Variants in CCDC32 observed in about 807,000 individuals in gnomAD.
CCDC32 encodes coiled-coil domain-containing protein 32.
A neutral mutation model predicts 20.1 loss-of-function variants in CCDC32; 9 were observed. That is an observed-to-expected ratio of 0.45 (90% CI 0.27 to 0.78). CCDC32 has a LOEUF of 0.78. Ranked by LOEUF, CCDC32 falls within the 30% of genes least tolerant of loss-of-function variation. The probability of loss-of-function intolerance (pLI) is 0.16; values close to 1 mark genes in which losing one functional copy is unlikely to be tolerated. For synonymous variants in CCDC32, 63 were observed against 79.0 expected (o/e 0.80, Z 1.07); for missense variants, 204 against 215.5 (o/e 0.95, Z 0.33).
downstream of CCDC32, among the ~76,000 whole-genome samples, chr15:40,529,975 G>A (rs1350677775): frequency 6.6e-6 from 1 of 150,994 alleles, no homozygotes; most frequent in Non-Finnish European, 1.5e-5. Flanking sequence ...GGGATGCTTT[G>A]TCCCTTCCAA....
chr15:40,564,551 G>A (rs950822096), intron 1 of CCDC32, among the ~76,000 whole-genome samples: 4 of 152,138 alleles, frequency 2.6e-5, no homozygotes, highest in African/African-American at 7.2e-5. Flanking sequence ...TATGAGACAG[G>A]CTGACACCTT....
At position 40,554,145 on chromosome 15, in the gene CCDC32, A is replaced by T. The variant is rs1475823764; in HGVS notation, c.402-18T>A. 1 of 1,604,464 alleles carries T rather than the reference A, an allele frequency of 6.2e-7. No individual in the cohort carries two copies. Among genetic ancestry groups the T allele is most frequent in the Non-Finnish European group, 8.5e-7 (1 of 1,172,716 alleles). On this transcript the variant is annotated intron_variant, in intron 3 of 3. Transcript: ENST00000416810. ...CCAAGGTGCTATGAAAGGGCAGAAT[A>T]AAAGGGTGGCTGTGTCAGACCTCAC...
intron 1 of CCDC32, 122 bp downstream of exon 1, chr15:40,564,854 C>T: frequency 6.3e-7 from 1 of 1,593,730 alleles, no homozygotes; most frequent in Non-Finnish European, 8.6e-7. Flanking sequence ...GCCTCAGTCG[C>T]TCAGGTCTCT....
chr15:40,559,098 CTCTT>C (rs1332578501), intron 2 of CCDC32, among the ~76,000 whole-genome samples: 1 of 148,132 alleles, frequency 6.8e-6, no homozygotes, highest in Non-Finnish European at 1.5e-5. Context: ...CTTCCTCTCT[CTCTT>C]TCTCAACAAG....
intron 3 of CCDC32, among the ~76,000 whole-genome samples, chr15:40,548,060 C>T (rs544374365): frequency 4.6e-5 from 7 of 152,194 alleles, no homozygotes; most frequent in Non-Finnish European, 1.0e-4. Flanking sequence ...TGATGGGTCA[C>T]TATCTCTCCT....
In CCDC32 at chr15:40,562,909, T is replaced by C; in HGVS notation, c.107A>G (p.Asn36Ser). The part of the protein sequence containing the change: ...LPNPEQEDGA[N>S]NAFSDSFVDS... The stretch of plus-strand genomic sequence containing the variant: ...CACAAAGGAGTCTGAGAATGCATTG[T>C]TGGCACCATCTTCTTGTTCAGGATT... The change falls in exon 2 of 4, where the codon AAC becomes AGC. Residue 36 changes from asparagine (N) to serine (S), a missense_variant. Asn to Ser is a conservative substitution (Grantham distance 46). Transcript: ENST00000416810. 7 of 1,614,234 alleles carry C rather than the reference T, an allele frequency of 4.3e-6. No individual in the cohort carries two copies. The highest frequency in any genetic ancestry group is 5.9e-6 in the Non-Finnish European group (7 of 1,180,046).
In CCDC32 at chr15:40,553,325, A is replaced by G. The variant is rs1054169314; in HGVS notation, c.*646T>C. 4.1e-6 allele frequency: 4 copies of G among 985,300 alleles called. No individual in the cohort carries two copies. Among genetic ancestry groups the G allele is most frequent in the East Asian group, 1.1e-4 (1 of 8,820 alleles). The allele number at this position is 985,300 out of a possible 1,614,324, so 61.0% of individuals were successfully genotyped here. The stretch of plus-strand genomic sequence containing the variant: ...AAGCCATGCATGAAGTAAAAAATAC[A>G]TATACACAGACATAAACACCCACAT... On this transcript the variant is annotated 3_prime_UTR_variant, in exon 4 of 4. Transcript: ENST00000416810.
intron 3 of CCDC32, among the ~76,000 whole-genome samples, chr15:40,545,670 T>A (rs916308610): frequency 6.6e-6 from 1 of 151,954 alleles, no homozygotes; most frequent in Non-Finnish European, 1.5e-5. Flanking sequence ...TGGTGTGGGG[T>A]ACCAGCAGAG....
downstream of CCDC32, among the ~76,000 whole-genome samples, chr15:40,551,444 C>T (rs1465806034): frequency 6.6e-6 from 1 of 152,010 alleles, no homozygotes; most frequent in African/African-American, 2.4e-5. Flanking sequence ...GGCCTGGCAT[C>T]TGAACTCCAG....
chr15:40,529,610 A>G (rs901581148), intron 3 of CCDC32: 3 of 151,750 alleles, frequency 2.0e-5, no homozygotes, highest in African/African-American at 7.3e-5. Context: ...ATTGGAACAT[A>G]CAGAGATTAG....
chr15:40,524,173 T>C (rs1350316146), downstream of CCDC32, among the ~76,000 whole-genome samples: 1 of 138,126 alleles, frequency 7.2e-6, no homozygotes, highest in Admixed American at 7.1e-5. Flanking sequence ...TTTTTTTTTT[T>C]TGAGACGGGA....
At chr15:40,538,109 A>G (rs904176954), downstream of CCDC32, 2 of 152,252 alleles carry the variant, frequency 1.3e-5, no homozygotes, top group Non-Finnish European at 2.9e-5. Context: ...AGTGGCCCAG[A>G]GGCAGTTCTC....
downstream of CCDC32, among the ~76,000 whole-genome samples, chr15:40,524,298 A>G (rs1278340527): frequency 1.3e-5 from 2 of 151,734 alleles, no homozygotes; most frequent in Admixed American, 6.6e-5. Flanking sequence ...CTGGGACTAT[A>G]GGCACCCGCC....
At chr15:40,529,004 T>C (rs1220366275) in intron 3 of CCDC32, among the ~76,000 whole-genome samples, 1 of 152,146 alleles carries the variant, frequency 6.6e-6, no homozygotes, top group Non-Finnish European at 1.5e-5. Context: ...GCTAAGTGCC[T>C]TTGTCTGGAG....
At chr15:40,554,416 C>T (rs11637245) in intron 3 of CCDC32, among the ~76,000 whole-genome samples, 53,639 of 151,860 alleles carry the variant, frequency 0.35, 10,384 homozygotes, top group Non-Finnish European at 0.45. Flanking sequence ...GAAGAGTTTA[C>T]GCCTCAGTCC....
chr15:40,532,062 A>G (rs1464554591), downstream of CCDC32: 6 of 445,726 alleles, frequency 1.3e-5, no homozygotes, highest in Non-Finnish European at 2.4e-5. Context: ...GAAGATGCCA[A>G]CCGTACTTAG....
At chr15:40,552,209 C>T (rs370315791), downstream of CCDC32, among the ~76,000 whole-genome samples, 28 of 151,726 alleles carry the variant, frequency 1.8e-4, no homozygotes, top group South Asian at 5.4e-3. Flanking sequence ...CGGCCAGGCG[C>T]GGTGGCTCAT....
chr15:40,544,082 T>C (rs1889513489), intron 3 of CCDC32, among the ~76,000 whole-genome samples: 1 of 152,120 alleles, frequency 6.6e-6, no homozygotes, highest in Non-Finnish European at 1.5e-5. Context: ...CACTTCCCAT[T>C]CTCATATGGT....
At chr15:40,561,684 C>T (rs1566986121) in intron 2 of CCDC32, among the ~76,000 whole-genome samples, 1 of 151,778 alleles carries the variant, frequency 6.6e-6, no homozygotes, top group Non-Finnish European at 1.5e-5. Flanking sequence ...ACCGCTTGTA[C>T]ACCAAAAGCT....
Sources: gnomAD v4.1 joint callset for allele counts (sites outside exome capture counted in the v4.1 genomes callset) on GRCh38, gnomAD v4.1.1 for gene constraint, MANE v1.5 for transcripts, NCBI Gene and HGNC (gene_info 2026-07-23, HGNC 2026-07-21) for gene names.